Variants in ZBTB43 observed in about 807,000 individuals in gnomAD.
ZBTB43 encodes zinc finger and BTB domain-containing protein 43.
A neutral mutation model predicts 31.1 loss-of-function variants in ZBTB43; 6 were observed. That is an observed-to-expected ratio of 0.19 (90% CI 0.11 to 0.38). The LOEUF is 0.38. Ranked by LOEUF, ZBTB43 falls within the 10% of genes least tolerant of loss-of-function variation. The probability of loss-of-function intolerance (pLI) is 1.00; values close to 1 mark genes in which losing one functional copy is unlikely to be tolerated. For synonymous variants in ZBTB43, 212 were observed against 221.7 expected (o/e 0.96, Z 0.39); for missense variants, 379 against 602.1 (o/e 0.63, Z 3.88).
intron 2 of ZBTB43, among the ~76,000 whole-genome samples, chr9:126,811,806 A>G (rs780592064): frequency 4.6e-5 from 7 of 152,100 alleles, no homozygotes; most frequent in Non-Finnish European, 7.4e-5. Context: ...TTGTGTTTTT[A>G]GTAGAGACGG....
In ZBTB43 at chr9:126,832,588, C is replaced by T. The variant is rs1429790446; in HGVS notation, c.79C>T (p.Arg27Cys). Residue 27 changes from arginine to cysteine, a missense_variant, in exon 3 of 3, where the codon CGC becomes TGC. Physicochemically the swap from Arg to Cys is radical, Grantham distance 180. This residue lies in a region of ZBTB43 where 79 missense variants were observed against 134.4 expected (regional missense o/e 0.59). Coordinates refer to ENST00000373464, the MANE Select transcript of ZBTB43 (RefSeq NM_014007.4). ...CATTCTACAGAAACTGAACCAGCAGCGCCAGCAAGGACAATTATGTGACGT... is the reference window on the plus strand; with the variant it reads ...CATTCTACAGAAACTGAACCAGCAGTGCCAGCAAGGACAATTATGTGACGT... ...STILQKLNQQRQQGQLCDVSI... is the reference protein window; with the variant it reads ...STILQKLNQQCQQGQLCDVSI... 1.2e-6 allele frequency: 2 copies of T among 1,613,998 alleles called. No homozygotes were observed. The highest frequency in any genetic ancestry group is 1.7e-6 in the Non-Finnish European group (2 of 1,179,996).
At chr9:126,821,560 A>T (rs1809014715) in intron 2 of ZBTB43, among the ~76,000 whole-genome samples, 1 of 152,160 alleles carries the variant, frequency 6.6e-6, no homozygotes, top group Non-Finnish European at 1.5e-5. Flanking sequence ...TTAATTGGAG[A>T]TGTAGTGGAA....
intron 2 of ZBTB43, among the ~76,000 whole-genome samples, chr9:126,809,382 A>G (rs2032194181): frequency 6.6e-6 from 1 of 152,182 alleles, no homozygotes; most frequent in African/African-American, 2.4e-5. Flanking sequence ...GTGTTTTTGT[A>G]CATTTGTGCC....
chr9:126,816,179 A>G (rs1331946786), intron 2 of ZBTB43, among the ~76,000 whole-genome samples: 1 of 151,856 alleles, frequency 6.6e-6, no homozygotes, highest in Non-Finnish European at 1.5e-5. Context: ...CTGTACATCG[A>G]TCTCTCTTCT....
intron 2 of ZBTB43, among the ~76,000 whole-genome samples, chr9:126,812,442 G>A (rs1051543329): frequency 3.3e-5 from 5 of 152,184 alleles, no homozygotes; most frequent in Non-Finnish European, 1.5e-5. Flanking sequence ...TAGGAGAATT[G>A]TTGAATTAAC....
chr9:126,826,252 T>C (rs2032632734), intron 2 of ZBTB43, among the ~76,000 whole-genome samples: 1 of 151,574 alleles, frequency 6.6e-6, no homozygotes, highest in Non-Finnish European at 1.5e-5. Flanking sequence ...CCTCAGGTGA[T>C]CCACCCATCT....
intron 2 of ZBTB43, among the ~76,000 whole-genome samples, chr9:126,815,897 C>T (rs541334819): frequency 8.0e-5 from 12 of 150,332 alleles, no homozygotes; most frequent in Non-Finnish European, 1.0e-4. Flanking sequence ...TTACCTTGTT[C>T]GGTGCTGGAT....
At position 126,835,051 on chromosome 9, in the gene ZBTB43, G is replaced by T. The variant is rs1043000890; in HGVS notation, c.*1138G>T. ...GAGAATACACTCTTTCAAGGTGGGG[G>T]AGATACTCTTTAGAGGGTACACTGA... On this transcript the variant is annotated 3_prime_UTR_variant, in exon 3 of 3. Transcript: ENST00000373464. 3 of 167,138 alleles carry T rather than the reference G, an allele frequency of 1.8e-5. No homozygotes were observed. In the East Asian group the frequency reaches 5.8e-4, roughly 32 times the overall value. 10.4% of individuals were successfully genotyped at this position (167,138 alleles called of 1,614,324 possible). A position where few individuals can be genotyped will look rare whatever the true frequency, so the allele number is the denominator to read the frequency against.
intron 1 of ZBTB43, among the ~76,000 whole-genome samples, chr9:126,806,699 G>A (rs1426248486): frequency 6.6e-6 from 1 of 152,114 alleles, no homozygotes; most frequent in African/African-American, 2.4e-5. Context: ...AAACCAATAA[G>A]CTCCTTTTAC....
chr9:126,807,957 CTA>C (rs1452649900), intron 1 of ZBTB43, among the ~76,000 whole-genome samples: 1 of 152,010 alleles, frequency 6.6e-6, no homozygotes, highest in Non-Finnish European at 1.5e-5. Context: ...CTTTTCAACT[CTA>C]TTTATATTTG....
intron 2 of ZBTB43, among the ~76,000 whole-genome samples, chr9:126,809,687 T>G (rs2032200108): frequency 6.6e-6 from 1 of 152,188 alleles, no homozygotes; most frequent in Non-Finnish European, 1.5e-5. Flanking sequence ...TCAGGATTTC[T>G]TCAGTATGTT....
intron 2 of ZBTB43, among the ~76,000 whole-genome samples, chr9:126,827,782 C>A (rs948494601): frequency 6.6e-6 from 1 of 151,970 alleles, no homozygotes; most frequent in Non-Finnish European, 1.5e-5. Context: ...CTGAGGCGGG[C>A]GGATCACCTG....
chr9:126,817,512 G>A (rs1261578666), intron 2 of ZBTB43, among the ~76,000 whole-genome samples: 59 of 145,268 alleles, frequency 4.1e-4, no homozygotes, highest in African/African-American at 1.5e-3. Context: ...GTCTCGCTCT[G>A]TCACCCAGGC....
At chr9:126,804,341 T>A (rs148532459), upstream of ZBTB43, among the ~76,000 whole-genome samples, 268 of 152,276 alleles carry the variant, frequency 1.8e-3, 2 homozygotes, top group African/African-American at 6.3e-3. Context: ...TTACTGAGCA[T>A]CTACTACATG....
chr9:126,817,482 T>G (rs1370178422), intron 2 of ZBTB43, among the ~76,000 whole-genome samples: 1 of 150,370 alleles, frequency 6.7e-6, no homozygotes, highest in Non-Finnish European at 1.5e-5. Context: ...ATGAAGTTTT[T>G]TTTTTTTTTT....
chr9:126,808,288 G>A lies in ZBTB43; in HGVS notation c.-146-505G>A, dbSNP rs190662117. Among the ~76,000 whole-genome samples, 240 of 152,252 alleles carry A rather than the reference G, an allele frequency of 1.6e-3. 1 individual carries two copies. The highest frequency in any genetic ancestry group is 1.2e-3 in the East Asian group (6 of 5,186). On this transcript the variant is annotated intron_variant, in intron 1 of 2. Coordinates refer to ENST00000373464, the MANE Select transcript of ZBTB43 (RefSeq NM_014007.4). ...AAGTTTTTAAGTAAAACATTCAGCC[G>A]TGGCTTAAAATTGAAGGGAATCATG... is the stretch of plus-strand genomic sequence containing the variant.
chr9:126,816,465 T>A lies in ZBTB43; in HGVS notation c.-24+7550T>A, dbSNP rs193249888. ...TTCATGAAGTTTGTGAAAAACATTT[T>A]AAAAATTGTTTAAAATGTACTCTTT... On this transcript the variant is annotated intron_variant, in intron 2 of 2. Transcript: ENST00000373464. Among the ~76,000 whole-genome samples the A allele has an allele frequency of 3.4e-3, 520 of 152,350 alleles. 5 individuals are homozygous for A. The highest frequency in any genetic ancestry group is 0.016 in the East Asian group (85 of 5,190).
Position 126,828,654 on chromosome 9 carries a change from A to AATTATT in ZBTB43, c.-23-3814_-23-3809dup, listed in dbSNP as rs59664603. On this transcript the variant is annotated intron_variant, in intron 2 of 2. Transcript: ENST00000373464. ...AAATAATAATAATAATAATAATAATAATTATTATTATTATTATTATTATTT... is the reference window on the plus strand; with the variant it reads ...AAATAATAATAATAATAATAATAATAATTATTATTATTATTATTATTATTATTATTT... Among the ~76,000 whole-genome samples, 820 of 127,708 alleles carry AATTATT rather than the reference A, an allele frequency of 6.4e-3. 6 individuals carry two copies. The highest frequency in any genetic ancestry group is 9.3e-3 in the Non-Finnish European group (574 of 61,830). 83.8% of individuals were successfully genotyped at this position (127,708 alleles called of 152,430 possible). A position where few individuals can be genotyped will look rare whatever the true frequency, so the allele number is the denominator to read the frequency against.
chr9:126,812,734 C>G (rs987593993), intron 2 of ZBTB43, among the ~76,000 whole-genome samples: 10 of 152,096 alleles, frequency 6.6e-5, no homozygotes, highest in African/African-American at 2.2e-4. Flanking sequence ...CTCTTCAGAT[C>G]CTTTATCTGT....
Sources: allele counts gnomAD v4.1 joint callset (sites outside exome capture counted in the v4.1 genomes callset), GRCh38; gene constraint gnomAD v4.1.1; regional missense constraint gnomAD v4.1.1; transcripts MANE v1.5; gene names NCBI Gene and HGNC (gene_info 2026-07-23, HGNC 2026-07-21).